Variants in WDFY2 observed in about 807,000 individuals in gnomAD.
WDFY2 encodes WD repeat and FYVE domain-containing protein 2.
Under a neutral mutation model 56.4 loss-of-function variants are expected in WDFY2, and 36 were observed. That is an observed-to-expected ratio of 0.64 (90% confidence interval 0.49 to 0.84). The LOEUF is 0.84. Among genes scored for constraint, WDFY2 ranks in the 40% least tolerant of loss-of-function variants. The probability of loss-of-function intolerance (pLI) is 0.00; values close to 1 mark genes in which losing one functional copy is unlikely to be tolerated. For missense variants in WDFY2, 444 were observed against 512.2 expected, an observed-to-expected ratio of 0.87 and a Z score of 1.29; for synonymous variants, 176 against 183.7, an observed-to-expected ratio of 0.96 and a Z score of 0.34.
At position 51,679,528 on chromosome 13, in the gene WDFY2, A is replaced by G. The variant is rs749083351; in HGVS notation, c.279+4285A>G. 2.6e-5 allele frequency among the ~76,000 whole-genome samples: 4 copies of G among 152,212 alleles called. No individual in the cohort carries two copies. In the East Asian group the frequency reaches 7.7e-4, roughly 29 times the overall value. On this transcript the variant is annotated intron_variant, in intron 3 of 11. Coordinates refer to ENST00000298125, the MANE Select transcript of WDFY2 (RefSeq NM_052950.4). ...GATCTATAAATGGTTAGCACTCAGA[A>G]TAGTGATTATTGTCTAAAAATAACT...
chr13:51,615,443 T>C (rs988859082), intron 1 of WDFY2, among the ~76,000 whole-genome samples: 2 of 152,184 alleles, frequency 1.3e-5, no homozygotes, highest in Non-Finnish European at 2.9e-5. Context: ...GAAAAGGCAC[T>C]TTTCATATAT....
chr13:51,694,745 G>A (rs1951825452), intron 3 of WDFY2, among the ~76,000 whole-genome samples: 1 of 152,280 alleles, frequency 6.6e-6, no homozygotes, highest in Non-Finnish European at 1.5e-5. Flanking sequence ...CTAGATTGGG[G>A]AAGTTCTCCT....
At chr13:51,661,915 TA>T (rs1267100469) in intron 2 of WDFY2, among the ~76,000 whole-genome samples, 1 of 152,172 alleles carries the variant, frequency 6.6e-6, no homozygotes, top group African/African-American at 2.4e-5. Context: ...AGGGTTTAGA[TA>T]AATGGAAAAG....
At chr13:51,710,247 C>G (rs1267575467) in intron 4 of WDFY2, among the ~76,000 whole-genome samples, 1 of 152,086 alleles carries the variant, frequency 6.6e-6, no homozygotes, top group Non-Finnish European at 1.5e-5. Flanking sequence ...GCCCTTCATG[C>G]TAAAAACTCT....
At chr13:51,642,058 A>G (rs966737997) in intron 1 of WDFY2, among the ~76,000 whole-genome samples, 3 of 151,780 alleles carry the variant, frequency 2.0e-5, no homozygotes, top group Non-Finnish European at 2.9e-5. Flanking sequence ...TCAATTATTG[A>G]CCCTTTCCCC....
intron 5 of WDFY2, among the ~76,000 whole-genome samples, chr13:51,723,220 T>G (rs1952529314): frequency 6.6e-6 from 1 of 152,254 alleles, no homozygotes; most frequent in Admixed American, 6.5e-5. Context: ...CATTTTATCC[T>G]TATATACTTC....
intron 1 of WDFY2, among the ~76,000 whole-genome samples, chr13:51,606,491 T>C (rs1256971802): frequency 2.1e-4 from 32 of 152,318 alleles, no homozygotes; most frequent in Admixed American, 2.1e-3. Flanking sequence ...GGAGCTATTA[T>C]AATAATCCAG....
Position 51,718,559 on chromosome 13 carries a change from T to TACACACAC in WDFY2, c.335-602_335-595dup, listed in dbSNP as rs71192015. ...GGAAATTTGCTCTTATTATCATTCA[T>TACACACAC]ACACACACACACACACACACACACA... is the stretch of plus-strand genomic sequence containing the variant. On this transcript the variant is annotated intron_variant, in intron 4 of 11. Coordinates refer to ENST00000298125, the MANE Select transcript of WDFY2 (RefSeq NM_052950.4). Among the ~76,000 whole-genome samples, 1,165 of 138,738 alleles carry TACACACAC rather than the reference T, an allele frequency of 8.4e-3. 14 individuals carry two copies. The highest frequency in any genetic ancestry group is 0.026 in the Middle Eastern group (7 of 272). 91.0% of individuals were successfully genotyped at this position (138,738 alleles called of 152,430 possible). A position where few individuals can be genotyped will look rare whatever the true frequency, so the allele number is the denominator to read the frequency against.
rs1955863409 is a variant in WDFY2 at position 51,675,076 on chromosome 13, A to G, written c.206-94A>G. On this transcript the variant is annotated intron_variant, in intron 2 of 11. Transcript: ENST00000298125. The stretch of plus-strand genomic sequence containing the variant: ...AAATGTTTTCCAGGAGATAGTGGGG[A>G]AAGTACAGCCCCACACTTTTAGCTA... 3 of 1,081,212 alleles carry G rather than the reference A, an allele frequency of 2.8e-6. No homozygotes were observed. In the East Asian group the frequency reaches 7.2e-5, roughly 26 times the overall value. The allele number at this position is 1,081,212 out of a possible 1,614,324, so 67.0% of individuals were successfully genotyped here.
At chr13:51,667,497 C>T (rs1955727232) in intron 2 of WDFY2, among the ~76,000 whole-genome samples, 1 of 152,120 alleles carries the variant, frequency 6.6e-6, no homozygotes, top group Non-Finnish European at 1.5e-5. Context: ...GGGAAAAGTT[C>T]ATGTGGGTAT....
At position 51,685,839 on chromosome 13, in the gene WDFY2, C is replaced by T. The variant is rs114482267; in HGVS notation, c.279+10596C>T. Among the ~76,000 whole-genome samples, 1,297 of 152,208 alleles carry T rather than the reference C, an allele frequency of 8.5e-3. 16 individuals carry two copies. Among genetic ancestry groups the T allele is most frequent in the African/African-American group, 0.029 (1,224 of 41,536 alleles). On this transcript the variant is annotated intron_variant, in intron 3 of 11. Transcript: ENST00000298125. ...GCCGGAGCAACTTGGAGGCAGGAAA[C>T]GTATGCATTGGCATTTCCAATACCT... is the stretch of plus-strand genomic sequence containing the variant.
intron 1 of WDFY2, among the ~76,000 whole-genome samples, chr13:51,635,449 A>C (rs1438316286): frequency 2.0e-5 from 3 of 152,216 alleles, no homozygotes; most frequent in African/African-American, 4.8e-5. Context: ...AAGGTGCTCT[A>C]AATGCCTATA....
chr13:51,650,229 G>T (rs1258309520), intron 1 of WDFY2, among the ~76,000 whole-genome samples: 1 of 152,112 alleles, frequency 6.6e-6, no homozygotes, highest in Non-Finnish European at 1.5e-5. Flanking sequence ...TGTTATTGGT[G>T]TATAAGAATG....
At chr13:51,690,904 G>C (rs1339638152) in intron 3 of WDFY2, among the ~76,000 whole-genome samples, 5 of 152,258 alleles carry the variant, frequency 3.3e-5, no homozygotes, top group African/African-American at 1.2e-4. Context: ...GGTGTGAGAT[G>C]GTATCTCATA....
At chr13:51,594,657 T>G (rs9285179) in intron 1 of WDFY2, among the ~76,000 whole-genome samples, 70,270 of 152,054 alleles carry the variant, frequency 0.46, 16,592 homozygotes, top group African/African-American at 0.54. Context: ...AATCTCTCTG[T>G]CCAGGTCATC....
chr13:51,742,424 T>C (rs1952995326), intron 7 of WDFY2, among the ~76,000 whole-genome samples: 1 of 151,124 alleles, frequency 6.6e-6, no homozygotes, highest in Admixed American at 6.6e-5. Context: ...GTGCTAGCTC[T>C]GTGGGAGGAA....
chr13:51,675,369 G>A (rs768652229), intron 3 of WDFY2, 126 bp downstream of exon 3: 35 of 820,988 alleles, frequency 4.3e-5, no homozygotes, highest in Non-Finnish European at 5.7e-5. Context: ...AAATTGCAGC[G>A]TAGCAAATTA....
chr13:51,639,552 C>A (rs529946456), intron 1 of WDFY2, among the ~76,000 whole-genome samples: 3 of 151,900 alleles, frequency 2.0e-5, no homozygotes, highest in Non-Finnish European at 4.4e-5. Context: ...TGTATCCCTA[C>A]AAAACATATC....
At chr13:51,599,487 G>T in intron 1 of WDFY2, 1 of 156,254 alleles carries the variant, frequency 6.4e-6, no homozygotes. Context: ...AGTTGAGACA[G>T]CTGGAAACAG....
Sources: allele counts gnomAD v4.1 joint callset (sites outside exome capture counted in the v4.1 genomes callset), GRCh38; gene constraint gnomAD v4.1.1; transcripts MANE v1.5; gene names NCBI Gene and HGNC (gene_info 2026-07-23, HGNC 2026-07-21).